MAP4: variants seen among roughly 807,000 people sequenced by gnomAD.
The protein encoded by MAP4 is microtubule associated protein 4.
In MAP4, 76 loss-of-function variants were observed where a neutral mutation model predicts 170.2. That is an observed-to-expected ratio of 0.45 (90% confidence interval 0.37 to 0.54). The LOEUF (loss-of-function observed/expected upper bound fraction) is 0.54, where lower values mean the gene tolerates loss of function less well. Ranked by LOEUF, MAP4 falls within the 20% of genes least tolerant of loss-of-function variation. The probability of loss-of-function intolerance (pLI) is 0.00; values close to 1 mark genes in which losing one functional copy is unlikely to be tolerated. For synonymous variants in MAP4, 909 were observed against 994.5 expected, an observed-to-expected ratio of 0.91 and a Z score of 1.62; for missense variants, 2,506 against 2,748.0, an observed-to-expected ratio of 0.91 and a Z score of 1.97.
At chr3:47,857,593 T>TG in intron 17 of MAP4, 81 bp from the exon 18 acceptor site, 1 of 959,036 alleles carries the variant, frequency 1.0e-6, no homozygotes, top group Middle Eastern at 2.1e-4. Flanking sequence ...TTAAATCTTC[T>TG]CCATGTTCAG....
chr3:47,931,577 C>T (rs1371169959), intron 3 of MAP4, among the ~76,000 whole-genome samples: 1 of 151,890 alleles, frequency 6.6e-6, no homozygotes, highest in African/African-American at 2.4e-5. Flanking sequence ...TTCCCAAGCT[C>T]AAGCAATCCT....
At chr3:47,954,700 T>C (rs1402005855) in intron 3 of MAP4, among the ~76,000 whole-genome samples, 1 of 152,190 alleles carries the variant, frequency 6.6e-6, no homozygotes, top group Non-Finnish European at 1.5e-5. Context: ...TACTAATTCC[T>C]GGGGACTCAA....
chr3:47,959,758 CAAAA>C (rs1328400083), intron 3 of MAP4, among the ~76,000 whole-genome samples: 2 of 66,500 alleles, frequency 3.0e-5, no homozygotes, highest in Non-Finnish European at 3.3e-5. Context: ...GACTCCATCT[CAAAA>C]AAAAAAAAAA....
intron 17 of MAP4, among the ~76,000 whole-genome samples, chr3:47,859,292 C>T (rs529376181): frequency 4.4e-4 from 67 of 152,340 alleles, no homozygotes; most frequent in African/African-American, 1.5e-3. Context: ...TTGCACCATT[C>T]TGGTGGGTTT....
chr3:48,077,604 T>C (rs2100144610), intron 1 of MAP4, among the ~76,000 whole-genome samples: 1 of 151,374 alleles, frequency 6.6e-6, no homozygotes, highest in South Asian at 2.1e-4. Flanking sequence ...CCTCCCAAAA[T>C]GCTAGGATTA....
chr3:47,888,041 G>C (rs180760702), intron 10 of MAP4, among the ~76,000 whole-genome samples: 5 of 152,208 alleles, frequency 3.3e-5, no homozygotes, highest in African/African-American at 1.2e-4. Flanking sequence ...CAAGGTTTGT[G>C]AGTGCACCAA....
chr3:47,870,537 T>A (rs1342520420), intron 15 of MAP4, among the ~76,000 whole-genome samples: 2 of 152,180 alleles, frequency 1.3e-5, no homozygotes, highest in Non-Finnish European at 2.9e-5. Context: ...TACAAAAGAA[T>A]CCTTTTACAT....
chr3:48,083,775 G>A (rs1057146228), intron 1 of MAP4, among the ~76,000 whole-genome samples: 3 of 151,052 alleles, frequency 2.0e-5, no homozygotes, highest in Non-Finnish European at 4.4e-5. Context: ...TGCCCAGGCT[G>A]GAGTGCAGTG....
At chr3:47,915,762 A>G (rs2100038418) in intron 7 of MAP4, among the ~76,000 whole-genome samples, 189 bp downstream of exon 7, 1 of 152,220 alleles carries the variant, frequency 6.6e-6, no homozygotes. Context: ...GAGAATGAAC[A>G]TAGAAAAGGT....
rs35163339 is a variant in MAP4 at position 48,073,252 on chromosome 3, T to TACAC, written c.-20+15517_-20+15520dup. 1.6e-3 allele frequency among the ~76,000 whole-genome samples: 212 copies of TACAC among 134,566 alleles called. 1 individual carries two copies. Among genetic ancestry groups the TACAC allele is most frequent in the African/African-American group, 3.6e-3 (126 of 35,346 alleles). 88.3% of individuals were successfully genotyped at this position (134,566 alleles called of 152,430 possible). A position where few individuals can be genotyped will look rare whatever the true frequency, so the allele number is the denominator to read the frequency against. ...AAAACAATATGGAAATCCAAAGGAA[T>TACAC]ACACACACACACACACACACACACA... is the stretch of plus-strand genomic sequence containing the variant. On this transcript the variant is annotated intron_variant, in intron 1 of 18. Transcript: ENST00000360240.
At position 47,928,293 on chromosome 3, in the gene MAP4, T is replaced by C; in HGVS notation, c.350A>G (p.Gln117Arg). The C allele has an allele frequency of 6.2e-7, 1 of 1,614,170 alleles. No homozygotes were observed. Among genetic ancestry groups the C allele is most frequent in the East Asian group, 2.2e-5 (1 of 44,886 alleles). The part of the protein sequence containing the change: ...KMAYQEYPNS[Q>R]NWPEDTNFCF... ...AAAGTTGGTATCTTCTGGCCAGTTC[T>C]GGCTATTTGGGTATTCCTGGTAGGC... Residue 117 changes from glutamine (Q) to arginine (R), a missense_variant, in exon 4 of 21, where the codon CAG becomes CGG. Physicochemically the swap from Gln to Arg is conservative, Grantham distance 43 (BLOSUM62 1). This residue lies in a region of MAP4 where 2,008 missense variants were observed against 2,206.0 expected (regional missense o/e 0.91). Coordinates refer to ENST00000683076, the MANE Select transcript of MAP4 (RefSeq NM_001385682.1).
intron 3 of MAP4, among the ~76,000 whole-genome samples, chr3:47,963,179 C>T (rs998333962): frequency 3.9e-5 from 6 of 152,152 alleles, no homozygotes; most frequent in Admixed American, 1.3e-4. Flanking sequence ...CAGTTACATC[C>T]GATTAAAATA....
chr3:48,076,590 G>C (rs1365831417), intron 1 of MAP4, among the ~76,000 whole-genome samples: 2 of 151,394 alleles, frequency 1.3e-5, no homozygotes, highest in Non-Finnish European at 2.9e-5. Context: ...GAGGTGGAAG[G>C]ATAGCTTGAG....
intron 3 of MAP4, 152 bp downstream of exon 3, chr3:47,977,713 A>G: frequency 3.7e-6 from 2 of 539,708 alleles, no homozygotes; most frequent in Non-Finnish European, 3.4e-6. Context: ...TTACATGGCA[A>G]TGTCCTGGGT....
In MAP4 at chr3:47,973,148, A is replaced by G. The variant is rs1286675455; in HGVS notation, c.292+4717T>C. 3 of 983,348 alleles carry G rather than the reference A, an allele frequency of 3.1e-6. No individual in the cohort carries two copies. The African/African-American group carries it at 5.2e-5, about 17-fold the overall frequency. 60.9% of individuals were successfully genotyped at this position (983,348 alleles called of 1,614,324 possible). A position where few individuals can be genotyped will look rare whatever the true frequency, so the allele number is the denominator to read the frequency against. On this transcript the variant is annotated intron_variant, in intron 3 of 20. Coordinates refer to ENST00000683076, the MANE Select transcript of MAP4 (RefSeq NM_001385682.1). ...CAGTAATCACATTAGAAGTCCCAAT[A>G]TACAAACTGTTGAAGTCCAAAGTCA...
intron 3 of MAP4, among the ~76,000 whole-genome samples, chr3:47,967,986 A>G (rs1031204208): frequency 3.3e-5 from 5 of 152,176 alleles, no homozygotes; most frequent in Non-Finnish European, 2.9e-5. Context: ...TCGTCCTACC[A>G]GCGACCGACA....
chr3:48,049,485 T>G (rs990710949), intron 1 of MAP4, among the ~76,000 whole-genome samples: 2 of 151,466 alleles, frequency 1.3e-5, no homozygotes, highest in African/African-American at 2.4e-5. Context: ...CCGGGCATGA[T>G]AGTGCATACC....
intron 6 of MAP4, 63 bp downstream of exon 6, chr3:47,918,656 T>A: frequency 7.7e-7 from 1 of 1,298,876 alleles, no homozygotes. Context: ...ATACACCTGA[T>A]GATTTATATT....
intron 1 of MAP4, among the ~76,000 whole-genome samples, chr3:48,013,709 T>TAAA (rs11373263): frequency 8.2e-5 from 11 of 134,686 alleles, no homozygotes; most frequent in Admixed American, 1.5e-4. Context: ...TGAGGTTTAT[T>TAAA]AAAAAAAAAA....
Sources: allele counts gnomAD v4.1 joint callset (sites outside exome capture counted in the v4.1 genomes callset), GRCh38; gene constraint gnomAD v4.1.1; regional missense constraint gnomAD v4.1.1; transcripts MANE v1.5; gene names NCBI Gene and HGNC (gene_info 2026-07-23, HGNC 2026-07-21).